The following MAP3K9 variants were observed in gnomAD, a reference collection of about 807,000 sequenced individuals.
The protein encoded by MAP3K9 is mitogen-activated protein kinase kinase kinase 9.
A neutral mutation model predicts 95.8 loss-of-function variants in MAP3K9; 46 were observed. The ratio of observed to expected loss-of-function variants is 0.48; its 90% confidence interval spans 0.38 to 0.61. The LOEUF is 0.61. MAP3K9 is among the 20% of genes least tolerant of loss of function. The pLI is 0.00. For missense variants in MAP3K9, 1,296 were observed against 1,474.3 expected, an observed-to-expected ratio of 0.88 and a Z score of 1.98; for synonymous variants, 533 against 593.8, an observed-to-expected ratio of 0.90 and a Z score of 1.49.
intron 11 of MAP3K9, 121 bp from the exon 12 acceptor site, chr14:70,730,985 A>C: frequency 9.0e-7 from 1 of 1,114,380 alleles, no homozygotes; most frequent in Non-Finnish European, 1.3e-6. Flanking sequence ...GAATCACCAA[A>C]TGTTTGTGGA....
At chr14:70,750,247 C>T (rs2054206710) in intron 3 of MAP3K9, among the ~76,000 whole-genome samples, 166 bp from the exon 4 acceptor site, 1 of 152,176 alleles carries the variant, frequency 6.6e-6, no homozygotes, top group Non-Finnish European at 1.5e-5. Flanking sequence ...AGCCTACTAG[C>T]TAAAAGCAAA....
chr14:70,733,848 C>T (rs2053948053), intron 10 of MAP3K9: 1 of 717,202 alleles, frequency 1.4e-6, no homozygotes, highest in African/African-American at 1.7e-5. Flanking sequence ...GCTGAGCTTC[C>T]TCTCTCTGTT....
chr14:70,778,299 C>T (rs74461437), intron 2 of MAP3K9, among the ~76,000 whole-genome samples: 6,919 of 142,428 alleles, frequency 0.049, 178 homozygotes, highest in East Asian at 0.092. Context: ...TTTTTTGAGA[C>T]GGAGTCCCCC....
At chr14:70,802,195 C>T (rs2054937939) in intron 1 of MAP3K9, among the ~76,000 whole-genome samples, 1 of 152,214 alleles carries the variant, frequency 6.6e-6, no homozygotes, top group African/African-American at 2.4e-5. Flanking sequence ...ACCTCAGCAG[C>T]AGTGAATATA....
Position 70,808,715 on chromosome 14 carries a change from C to A in MAP3K9, c.406+51G>T, listed in dbSNP as rs745853110. ...AGTGCTCCCCCCTTCCCCGACCGCC[C>A]CCCAGGCCTCCGTCATTCCCCCTCC... On this transcript the variant is annotated intron_variant, in intron 1 of 11. Coordinates refer to ENST00000554752, the MANE Select transcript of MAP3K9 (RefSeq NM_001284230.2). 11 of 1,290,232 alleles carry A rather than the reference C, an allele frequency of 8.5e-6. No individual in the cohort carries two copies. In the Admixed American group the frequency reaches 3.2e-4, roughly 37 times the overall value. 79.9% of individuals were successfully genotyped at this position (1,290,232 alleles called of 1,614,324 possible).
At position 70,733,182 on chromosome 14, in the gene MAP3K9, A is replaced by AC; in HGVS notation, c.2186dup (p.Ser729ArgfsTer40). ...TGTTGGTTGGCGTCAGCTGAGGGGT[A>AC]CTCGTGGCCGAGTTGACTGGGGTGG... is the stretch of plus-strand genomic sequence containing the variant. On this transcript the variant is annotated frameshift_variant, in exon 11 of 12. Coordinates refer to ENST00000554752, the MANE Select transcript of MAP3K9 (RefSeq NM_001284230.2). LOFTEE classifies it high-confidence loss of function. The AC allele has an allele frequency of 2.5e-6, 4 of 1,610,416 alleles. No individual in the cohort carries two copies. Among genetic ancestry groups the AC allele is most frequent in the Non-Finnish European group, 3.4e-6 (4 of 1,177,438 alleles).
intron 2 of MAP3K9, among the ~76,000 whole-genome samples, chr14:70,766,773 T>C (rs1447873725): frequency 6.6e-6 from 1 of 152,170 alleles, no homozygotes; most frequent in Non-Finnish European, 1.5e-5. Context: ...CTTTGTGCCA[T>C]GCCGTACAGA....
chr14:70,747,703 T>C (rs564698316), intron 5 of MAP3K9, among the ~76,000 whole-genome samples: 4 of 152,018 alleles, frequency 2.6e-5, no homozygotes, highest in African/African-American at 9.7e-5. Flanking sequence ...GACTCCTGGA[T>C]AAAACAGACA....
chr14:70,793,536 A>T (rs534650750), intron 2 of MAP3K9, among the ~76,000 whole-genome samples: 73 of 152,246 alleles, frequency 4.8e-4, no homozygotes, highest in African/African-American at 1.7e-3. Context: ...AATAAAAAAT[A>T]AAATAAATAA....
rs766523309 is a variant in MAP3K9 at position 70,730,487 on chromosome 14, G to A, written c.3208C>T (p.Leu1070=). The A allele has an allele frequency of 1.2e-6, 2 of 1,614,140 alleles. No individual in the cohort carries two copies. The highest frequency in any genetic ancestry group is 1.7e-6 in the Non-Finnish European group (2 of 1,180,042). ...TCCTGACTCTGCCCCTCTGCATCCA[G>A]GTCCAGGAGCGTCCGCTCAGTCGGG... ...LPPTERTLLD[L]DAEGQSQDST... Residue 1070 remains leucine, a synonymous_variant, in exon 12 of 12, where the codon CTG becomes TTG. Transcript: ENST00000554752.
At chr14:70,741,510 C>T (rs1490443116) in intron 6 of MAP3K9, among the ~76,000 whole-genome samples, 2 of 152,198 alleles carry the variant, frequency 1.3e-5, no homozygotes, top group Admixed American at 6.5e-5. Flanking sequence ...ATATATTACA[C>T]ACCACAAAGA....
Position 70,722,741 on chromosome 14 carries a change from A to G in MAP3K9, c.*7639T>C, listed in dbSNP as rs988128580. Reference sequence around the variant, plus strand: ...TCCTTCAGGACTTTTTCATCTTTAAATATTGTTGACAACATACAATAACTT... The same window carrying G: ...TCCTTCAGGACTTTTTCATCTTTAAGTATTGTTGACAACATACAATAACTT... On this transcript the variant is annotated 3_prime_UTR_variant, in exon 12 of 12. Coordinates refer to ENST00000554752, the MANE Select transcript of MAP3K9 (RefSeq NM_001284230.2). The G allele has an allele frequency of 6.6e-6, 1 of 152,198 alleles. No individual in the cohort carries two copies. Among genetic ancestry groups the G allele is most frequent in the African/African-American group, 2.4e-5 (1 of 41,464 alleles). The allele number at this position is 152,198 out of a possible 1,614,324, so 9.4% of individuals were successfully genotyped here.
intron 2 of MAP3K9, among the ~76,000 whole-genome samples, chr14:70,784,706 A>C (rs1265594500): frequency 6.6e-6 from 1 of 152,206 alleles, no homozygotes; most frequent in East Asian, 1.9e-4. Flanking sequence ...TGGGAGACAG[A>C]GTGAGTGAGA....
At chr14:70,781,049 C>G (rs1472854763) in intron 2 of MAP3K9, among the ~76,000 whole-genome samples, 1 of 152,224 alleles carries the variant, frequency 6.6e-6, no homozygotes, top group South Asian at 2.1e-4. Context: ...CTGTGCTTTT[C>G]CCCAGTGTGA....
chr14:70,808,512 G>A (rs1190475385), intron 1 of MAP3K9, among the ~76,000 whole-genome samples: 2 of 152,156 alleles, frequency 1.3e-5, no homozygotes, highest in African/African-American at 4.8e-5. Context: ...GTGGAAATCG[G>A]GAGCCACTGC....
intron 6 of MAP3K9, 75 bp downstream of exon 6, chr14:70,742,276 C>T (rs919015403): frequency 2.8e-5 from 44 of 1,554,692 alleles, no homozygotes; most frequent in Middle Eastern, 2.1e-4. Context: ...AGCTCAGTCC[C>T]GGACTCCCTC....
At position 70,779,234 on chromosome 14, in the gene MAP3K9, G is replaced by A. The variant is rs112100853; in HGVS notation, c.821-18052C>T. Among the ~76,000 whole-genome samples, 309 of 152,358 alleles carry A rather than the reference G, an allele frequency of 2.0e-3. 1 individual carries two copies. The highest frequency in any genetic ancestry group is 6.1e-3 in the African/African-American group (254 of 41,568). On this transcript the variant is annotated intron_variant, in intron 2 of 11. Transcript: ENST00000554752. ...CAAGGAACTTGGAAATGACCCTGGA[G>A]TCACAAGTAGTTTTTAAGCAGAAAA...
intron 1 of MAP3K9, among the ~76,000 whole-genome samples, chr14:70,803,788 G>A (rs1396642550): frequency 6.6e-6 from 1 of 152,220 alleles, no homozygotes; most frequent in Non-Finnish European, 1.5e-5. Flanking sequence ...TGTCATGGCA[G>A]AACATTGTAG....
chr14:70,781,070 T>C (rs1460468743), intron 2 of MAP3K9, among the ~76,000 whole-genome samples: 2 of 152,208 alleles, frequency 1.3e-5, no homozygotes, highest in Admixed American at 1.3e-4. Context: ...TCTTGACACT[T>C]TTCCCACTGA....
Sources: allele counts gnomAD v4.1 joint callset (sites outside exome capture counted in the v4.1 genomes callset), GRCh38; gene constraint gnomAD v4.1.1; transcripts MANE v1.5; gene names NCBI Gene and HGNC (gene_info 2026-07-23, HGNC 2026-07-21).